PRKCZ: variants seen among roughly 807,000 people sequenced by gnomAD.
PRKCZ encodes protein kinase C zeta.
PRKCZ carries 33 observed loss-of-function variants against 79.5 expected under a neutral mutation model. That is an observed-to-expected ratio of 0.41 (90% CI 0.31 to 0.55). PRKCZ has a LOEUF of 0.55. Ranked by LOEUF, PRKCZ falls within the 20% of genes least tolerant of loss-of-function variation. PRKCZ has a pLI of 0.19. For missense variants in PRKCZ, 578 were observed against 813.5 expected (o/e 0.71, Z 3.52); for synonymous variants, 342 against 320.9 (o/e 1.07, Z -0.70).
intron 4 of PRKCZ, among the ~76,000 whole-genome samples, chr1:2,099,047 C>CGTTGTCTGTGCTGTGACTTCCGTT (rs1393754349): frequency 1.3e-5 from 2 of 151,264 alleles, no homozygotes; most frequent in South Asian, 2.1e-4. Flanking sequence ...TGACTTCCGT[C>CGTTGTCTGTGCTGTGACTTCCGTT]GTTGTCTGTG....
chr1:2,090,510 T>C (rs1275088684), intron 4 of PRKCZ, among the ~76,000 whole-genome samples: 1 of 152,182 alleles, frequency 6.6e-6, no homozygotes, highest in Non-Finnish European at 1.5e-5. Flanking sequence ...CACCCTCAGC[T>C]GCTCCTTCCA....
At chr1:2,059,504 A>G (rs778386378) in intron 3 of PRKCZ, 37 bp from the exon 4 acceptor site, 7 of 1,612,290 alleles carry the variant, frequency 4.3e-6, no homozygotes, top group African/African-American at 1.3e-5. Context: ...TGGCAGCCGC[A>G]GGGTCTTGAC....
chr1:2,144,721 A>G, intron 6 of PRKCZ: 1 of 826,520 alleles, frequency 1.2e-6, no homozygotes, highest in South Asian at 4.4e-5. Flanking sequence ...GGCTCCGAAC[A>G]TCTGGAGCCT....
chr1:2,157,716 T>G (rs1458030210), intron 10 of PRKCZ, among the ~76,000 whole-genome samples: 4 of 150,884 alleles, frequency 2.7e-5, no homozygotes, highest in South Asian at 2.1e-4. Context: ...TCCAGAGTTT[T>G]TTTTTTTTTT....
At position 2,128,207 on chromosome 1, in the gene PRKCZ, C is replaced by T. The variant is rs935322379; in HGVS notation, c.335-7055C>T. 6.6e-6 allele frequency among the ~76,000 whole-genome samples: 1 copy of T among 152,240 alleles called. No individual in the cohort carries two copies. Among genetic ancestry groups the T allele is most frequent in the African/African-American group, 2.4e-5 (1 of 41,466 alleles). On this transcript the variant is annotated intron_variant, in intron 4 of 17. Coordinates refer to ENST00000378567, the MANE Select transcript of PRKCZ (RefSeq NM_002744.6). The surrounding 1 kb of genome is among the most constrained non-coding windows in gnomAD (Gnocchi z 6.5). ...CTGACCTGGGCCACCATAGAAGGCACCTGGCTATCTGCATGTGGCTTGACC... is the reference window on the plus strand; with the variant it reads ...CTGACCTGGGCCACCATAGAAGGCATCTGGCTATCTGCATGTGGCTTGACC...
chr1:2,179,911 A>C (rs2100509017), intron 16 of PRKCZ, among the ~76,000 whole-genome samples: 1 of 152,178 alleles, frequency 6.6e-6, no homozygotes, highest in South Asian at 2.1e-4. Context: ...GGGAAAACGG[A>C]AAGACGCAGA....
Position 2,082,133 on chromosome 1 carries a change from G to A in PRKCZ, c.334+22542G>A, listed in dbSNP as rs1483417511. ...GTGTCTTTCCACACGGCCATCCGAG[G>A]GCGGACGTGGTCAGGGGTGCTGGAC... On this transcript the variant is annotated intron_variant, in intron 4 of 17. Transcript: ENST00000378567. The surrounding 1 kb of genome is among the most constrained non-coding windows in gnomAD (Gnocchi z 4.4). The A allele has an allele frequency of 2.5e-5, 8 of 324,452 alleles. No homozygotes were observed. The East Asian group carries it at 7.0e-4, about 28-fold the overall frequency. The allele number at this position is 324,452 out of a possible 1,614,324, so 20.1% of individuals were successfully genotyped here.
At chr1:2,137,444 C>A (rs1267036298) in intron 5 of PRKCZ, among the ~76,000 whole-genome samples, 1 of 152,188 alleles carries the variant, frequency 6.6e-6, no homozygotes, top group African/African-American at 2.4e-5. Context: ...ATCCTTCAAC[C>A]CAGTCAAGTC....
At position 2,127,709 on chromosome 1, in the gene PRKCZ, C is replaced by T. The variant is rs1351927419; in HGVS notation, c.335-7553C>T. On this transcript the variant is annotated intron_variant, in intron 4 of 17. Coordinates refer to ENST00000378567, the MANE Select transcript of PRKCZ (RefSeq NM_002744.6). This position sits in a 1 kb window ranked among gnomAD's most constrained non-coding sequence, Gnocchi z 5.1. ...CGGCGTCTCCCGCGGCTCCCGGTGG[C>T]TTTTTAGGACTCTGCGTTCGTGTTC... Among the ~76,000 whole-genome samples the T allele has an allele frequency of 2.0e-5, 3 of 152,202 alleles. No homozygotes were observed. The highest frequency in any genetic ancestry group is 7.2e-5 in the African/African-American group (3 of 41,442).
chr1:2,131,758 A>G (rs1675000955), intron 4 of PRKCZ, among the ~76,000 whole-genome samples: 1 of 152,098 alleles, frequency 6.6e-6, no homozygotes, highest in South Asian at 2.1e-4. Context: ...CTGAAATTGG[A>G]TTGGTTATTT....
intron 4 of PRKCZ, among the ~76,000 whole-genome samples, chr1:2,066,315 A>G (rs946388847): frequency 3.3e-5 from 5 of 152,160 alleles, no homozygotes; most frequent in Admixed American, 1.3e-4. Context: ...GCCTGTGAAG[A>G]CATCAGTCCC....
chr1:2,128,108 G>A lies in PRKCZ; in HGVS notation c.335-7154G>A, dbSNP rs1303802467. On this transcript the variant is annotated intron_variant, in intron 4 of 17. Transcript: ENST00000378567. This position sits in a 1 kb window ranked among gnomAD's most constrained non-coding sequence, Gnocchi z 6.5. ...AGCACCCATTTTACCTGCACCCTCA[G>A]TGACAGCTGCACCCTGGCTTCTGGG... Among the ~76,000 whole-genome samples, 1 of 152,202 alleles carries A rather than the reference G, an allele frequency of 6.6e-6. No homozygotes were observed. Among genetic ancestry groups the A allele is most frequent in the East Asian group, 1.9e-4 (1 of 5,194 alleles).
intron 1 of PRKCZ, among the ~76,000 whole-genome samples, chr1:2,051,889 C>A (rs1272093642): frequency 6.6e-6 from 1 of 152,166 alleles, no homozygotes; most frequent in Non-Finnish European, 1.5e-5. Context: ...TCCCCTGTGG[C>A]AAGCACCTGG....
rs147238363 is a variant in PRKCZ at position 2,069,279 on chromosome 1, C to T, written c.334+9688C>T. Among the ~76,000 whole-genome samples, 4 of 152,224 alleles carry T rather than the reference C, an allele frequency of 2.6e-5. No individual in the cohort carries two copies. In the East Asian group the frequency reaches 7.8e-4, roughly 30 times the overall value. On this transcript the variant is annotated intron_variant, in intron 4 of 17. Transcript: ENST00000378567. ...GCTGCAGGCCCCAGCCATGGTGGTC[C>T]CTTTGGGAGGCGTGGTCCAGGAGGT...
intron 4 of PRKCZ, among the ~76,000 whole-genome samples, chr1:2,113,201 C>G (rs749334610): frequency 6.6e-6 from 1 of 152,188 alleles, no homozygotes; most frequent in Non-Finnish European, 1.5e-5. Context: ...GCGAGTACCT[C>G]GATTCATGAG....
Position 2,094,802 on chromosome 1 carries a change from A to G in PRKCZ, c.334+35211A>G, listed in dbSNP as rs1223305005. 6.6e-6 allele frequency among the ~76,000 whole-genome samples: 1 copy of G among 152,138 alleles called. No homozygotes were observed. Among genetic ancestry groups the G allele is most frequent in the Non-Finnish European group, 1.5e-5 (1 of 68,040 alleles). On this transcript the variant is annotated intron_variant, in intron 4 of 17. Coordinates refer to ENST00000378567, the MANE Select transcript of PRKCZ (RefSeq NM_002744.6). The surrounding 1 kb of genome is among the most constrained non-coding windows in gnomAD (Gnocchi z 7.3). ...TTCTGAGGCGTCTGCTGTGGCCCTT[A>G]CCGTCTGGCTTCTCTGCTGGCTCTT...
At chr1:2,095,738 C>T (rs1206981720) in intron 4 of PRKCZ, among the ~76,000 whole-genome samples, 2 of 143,468 alleles carry the variant, frequency 1.4e-5, no homozygotes, top group Admixed American at 6.9e-5. Context: ...CCCACCTTTC[C>T]GCTCCCCTCC....
chr1:2,063,272 TAGACCCGGAAGTG>T (rs1660849233), intron 4 of PRKCZ, among the ~76,000 whole-genome samples: 1 of 152,238 alleles, frequency 6.6e-6, no homozygotes, highest in Admixed American at 6.5e-5. Context: ...GTTCTGGGTG[TAGACCCGGAAGTG>T]AGATTGCTGG....
intron 4 of PRKCZ, among the ~76,000 whole-genome samples, chr1:2,077,297 G>T (rs2490552): frequency 0.49 from 75,041 of 152,132 alleles, 22,896 homozygotes; most frequent in East Asian, 0.95. Flanking sequence ...TTTTCTTTTT[G>T]AACGTCTCTT....
Sources: gnomAD v4.1 joint callset for allele counts (sites outside exome capture counted in the v4.1 genomes callset) on GRCh38, gnomAD v4.1.1 for gene constraint, Gnocchi (gnomAD v3.1) non-coding constraint, MANE v1.5 for transcripts, NCBI Gene and HGNC (gene_info 2026-07-23, HGNC 2026-07-21) for gene names.